The following RCAN1 variants were observed in gnomAD, a reference collection of about 807,000 sequenced individuals.
RCAN1 encodes the protein calcipressin-1.
A neutral mutation model predicts 22.9 loss-of-function variants in RCAN1; 11 were observed. The ratio of observed to expected loss-of-function variants is 0.48; its 90% CI spans 0.30 to 0.79. The LOEUF is 0.79. Ranked by LOEUF, RCAN1 falls within the 30% of genes least tolerant of loss-of-function variation. The pLI is 0.06. For missense variants in RCAN1, 291 were observed against 337.8 expected (o/e 0.86, Z 1.09); for synonymous variants, 136 against 142.3 (o/e 0.96, Z 0.32).
At chr21:34,589,825 T>C (rs1987913691) in intron 1 of RCAN1, among the ~76,000 whole-genome samples, 1 of 152,214 alleles carries the variant, frequency 6.6e-6, no homozygotes, top group African/African-American at 2.4e-5. Context: ...CTCAGGCCTT[T>C]GGACTAGCCA....
intron 1 of RCAN1, among the ~76,000 whole-genome samples, chr21:34,536,157 A>G (rs1320395300): frequency 6.6e-6 from 1 of 152,212 alleles, no homozygotes; most frequent in African/African-American, 2.4e-5. Flanking sequence ...GTTTAAGATG[A>G]AAAAATAGCC....
chr21:34,612,008 C>A (rs1046578684), intron 1 of RCAN1, among the ~76,000 whole-genome samples: 3 of 152,136 alleles, frequency 2.0e-5, no homozygotes, highest in African/African-American at 7.2e-5. Context: ...CAGTGCACAA[C>A]CCTCCCTCAT....
intron 1 of RCAN1, among the ~76,000 whole-genome samples, chr21:34,598,338 T>C (rs771406436): frequency 5.9e-5 from 9 of 152,200 alleles, no homozygotes; most frequent in Non-Finnish European, 8.8e-5. Flanking sequence ...ATCACAGTCA[T>C]GAAAACAGTA....
At chr21:34,550,079 C>A (rs1986309851) in intron 1 of RCAN1, among the ~76,000 whole-genome samples, 1 of 152,170 alleles carries the variant, frequency 6.6e-6, no homozygotes, top group African/African-American at 2.4e-5. Flanking sequence ...TCTGTGGACA[C>A]CCTCGTTGTA....
intron 1 of RCAN1, among the ~76,000 whole-genome samples, chr21:34,539,090 A>C (rs928506850): frequency 5.9e-5 from 9 of 152,236 alleles, no homozygotes; most frequent in Non-Finnish European, 1.2e-4. Context: ...CGGTAAATTC[A>C]AACAGTTTAA....
intron 1 of RCAN1, among the ~76,000 whole-genome samples, chr21:34,567,811 C>T (rs1304378117): frequency 2.6e-5 from 4 of 152,136 alleles, no homozygotes. Flanking sequence ...GAAATCGCAA[C>T]ATAAGAGGAA....
At chr21:34,567,369 T>C (rs1987061547) in intron 1 of RCAN1, among the ~76,000 whole-genome samples, 1 of 151,956 alleles carries the variant, frequency 6.6e-6, no homozygotes, top group African/African-American at 2.4e-5. Context: ...GGGGGGCACA[T>C]GCCTGTAGTC....
intron 1 of RCAN1, among the ~76,000 whole-genome samples, chr21:34,599,542 T>C (rs907624234): frequency 1.2e-4 from 18 of 152,224 alleles, no homozygotes; most frequent in African/African-American, 3.1e-4. Flanking sequence ...TAGCAAAATA[T>C]AGTATGCAAT....
Position 34,614,614 on chromosome 21 carries a change from G to T in RCAN1, c.252+146C>A. 1 of 1,057,198 alleles carries T rather than the reference G, an allele frequency of 9.5e-7. No homozygotes were observed. Among genetic ancestry groups the T allele is most frequent in the Non-Finnish European group, 1.2e-6 (1 of 858,082 alleles). 65.5% of individuals were successfully genotyped at this position (1,057,198 alleles called of 1,614,324 possible). On this transcript the variant is annotated intron_variant, in intron 1 of 3. Coordinates refer to ENST00000313806, the MANE Select transcript of RCAN1 (RefSeq NM_004414.7). This position sits in a 1 kb window ranked among gnomAD's most constrained non-coding sequence, Gnocchi z 6.0. ...GGCGCCGTCCCCACGCCCCAGCCCTGACGGGTCCGCGGCCGAGCAGCCCGG... is the reference window on the plus strand; with the variant it reads ...GGCGCCGTCCCCACGCCCCAGCCCTTACGGGTCCGCGGCCGAGCAGCCCGG...
At chr21:34,567,592 C>T (rs1026903389) in intron 1 of RCAN1, among the ~76,000 whole-genome samples, 3 of 151,404 alleles carry the variant, frequency 2.0e-5, no homozygotes, top group Non-Finnish European at 4.4e-5. Context: ...CTGAATACTT[C>T]GAAAGTTGAG....
At chr21:34,575,042 A>G (rs1199151891) in intron 1 of RCAN1, among the ~76,000 whole-genome samples, 1 of 152,246 alleles carries the variant, frequency 6.6e-6, no homozygotes, top group Non-Finnish European at 1.5e-5. Flanking sequence ...AAGAAATGGG[A>G]GGAAACTCAC....
intron 1 of RCAN1, among the ~76,000 whole-genome samples, chr21:34,596,285 G>GA (rs1988149029): frequency 6.6e-6 from 1 of 152,190 alleles, no homozygotes. Context: ...CTGCCCTCCA[G>GA]AAAAAGCCGA....
chr21:34,599,737 T>C (rs998117628), intron 1 of RCAN1, among the ~76,000 whole-genome samples: 31 of 152,138 alleles, frequency 2.0e-4, no homozygotes, highest in Admixed American at 1.8e-3. Flanking sequence ...ATTACGCCTC[T>C]GTGATTTGAG....
At position 34,575,010 on chromosome 21, in the gene RCAN1, G is replaced by C. The variant is rs188070321; in HGVS notation, c.252+39750C>G. Among the ~76,000 whole-genome samples the C allele has an allele frequency of 7.8e-3, 1,186 of 152,360 alleles. 38 individuals carry two copies. Among genetic ancestry groups the C allele is most frequent in the Admixed American group, 0.055 (836 of 15,302 alleles). On this transcript the variant is annotated intron_variant, in intron 1 of 3. Transcript: ENST00000313806. The stretch of plus-strand genomic sequence containing the variant: ...ACGCATGGCTGATGGAGGCAGAACT[G>C]CACGGGCAGATGGGAATCAAGAAGA...
chr21:34,527,868 A>AAGG (rs1985164513), intron 1 of RCAN1, among the ~76,000 whole-genome samples: 1 of 152,036 alleles, frequency 6.6e-6, no homozygotes, highest in Admixed American at 6.5e-5. Flanking sequence ...AAAAAAAAAA[A>AAGG]AAAGGAAAGG....
At chr21:34,535,014 C>G (rs925419228) in intron 1 of RCAN1, among the ~76,000 whole-genome samples, 1 of 152,198 alleles carries the variant, frequency 6.6e-6, no homozygotes, top group Non-Finnish European at 1.5e-5. Flanking sequence ...TGCATGTCCA[C>G]CTTAAGGACC....
At chr21:34,525,237 A>C in intron 1 of RCAN1, 1 of 1,550,626 alleles carries the variant, frequency 6.4e-7, no homozygotes, top group Non-Finnish European at 8.7e-7. Flanking sequence ...GGGTAGGAGC[A>C]GGGTAGTCGG....
chr21:34,525,258 G>A, intron 1 of RCAN1: 7 of 1,550,704 alleles, frequency 4.5e-6, no homozygotes, highest in Non-Finnish European at 6.1e-6. Flanking sequence ...TCCCTGCCAG[G>A]CAGGTCGTTA....
In RCAN1 at chr21:34,518,076, G is replaced by A. The variant is rs758710708; in HGVS notation, c.*8C>T. 17 of 1,613,912 alleles carry A rather than the reference G, an allele frequency of 1.1e-5. No individual in the cohort carries two copies. Among genetic ancestry groups the A allele is most frequent in the Middle Eastern group, 1.6e-4 (1 of 6,070 alleles). ...ATGATTTGGAATGCGTCCTCGTCGC[G>A]TGCCAGTTCAGCTGAGGTGGATCGG... On this transcript the variant is annotated 3_prime_UTR_variant, in exon 4 of 4. Coordinates refer to ENST00000313806, the MANE Select transcript of RCAN1 (RefSeq NM_004414.7). This position sits in a 1 kb window ranked among gnomAD's most constrained non-coding sequence, Gnocchi z 4.2.
Sources: allele counts gnomAD v4.1 joint callset (sites outside exome capture counted in the v4.1 genomes callset), GRCh38; gene constraint gnomAD v4.1.1; non-coding constraint Gnocchi (gnomAD v3.1); transcripts MANE v1.5; gene names NCBI Gene and HGNC (gene_info 2026-07-23, HGNC 2026-07-21).